UFD1: variants seen among roughly 807,000 people sequenced by gnomAD.
UFD1 encodes the protein ubiquitin recognition factor in ER associated degradation 1, also known as ubiquitin recognition factor in ER-associated degradation protein 1.
UFD1 carries 13 observed loss-of-function variants against 45.9 expected under a neutral mutation model. The ratio of observed to expected loss-of-function variants is 0.28; its 90% CI spans 0.18 to 0.45. The LOEUF (loss-of-function observed/expected upper bound fraction) is 0.45. UFD1 is among the 20% of genes least tolerant of loss of function. UFD1 has a pLI of 1.00. For synonymous variants in UFD1, 128 were observed against 139.2 expected (o/e 0.92, Z 0.56); for missense variants, 218 against 389.2 (o/e 0.56, Z 3.70).
chr22:19,477,212 G>A (rs1404615118), intron 1 of UFD1, among the ~76,000 whole-genome samples: 2 of 152,084 alleles, frequency 1.3e-5, no homozygotes, highest in African/African-American at 2.4e-5. Flanking sequence ...AGAACTGGAG[G>A]CAGAATCAAG....
At position 19,465,694 on chromosome 22, in the gene UFD1, G is replaced by A. The variant is rs192017761; in HGVS notation, c.423-420C>T. Reference sequence around the variant, plus strand: ...CATGGGTGTATACATTTTCAAACTGGCTGAACTGTGTGCATTTTATTGTAT... The same window carrying A: ...CATGGGTGTATACATTTTCAAACTGACTGAACTGTGTGCATTTTATTGTAT... On this transcript the variant is annotated intron_variant, in intron 5 of 11. Transcript: ENST00000263202. The A allele has an allele frequency of 5.6e-5, 9 of 161,394 alleles. No homozygotes were observed. In the East Asian group the frequency reaches 1.4e-3, roughly 25 times the overall value. The allele number at this position is 161,394 out of a possible 1,614,324, so 10.0% of individuals were successfully genotyped here.
chr22:19,462,438 G>GA (rs548689552), intron 6 of UFD1, among the ~76,000 whole-genome samples: 133 of 152,340 alleles, frequency 8.7e-4, no homozygotes, highest in African/African-American at 2.2e-3. Flanking sequence ...GGCTGAGGCT[G>GA]ATGGCTCACC....
rs8136798 is a variant in UFD1 at position 19,454,231 on chromosome 22, A to G, written c.849+518T>C. ...GTTTCATACACCCTACACCAGCTCT[A>G]CAGAAAAAAACAGGACACCAGGGAG... On this transcript the variant is annotated intron_variant, in intron 11 of 11. Transcript: ENST00000263202. The G allele has an allele frequency of 0.019, 18,936 of 993,488 alleles. 2,699 individuals are homozygous for G. The African/African-American group carries it at 0.3, about 16-fold the overall frequency. The allele number at this position is 993,488 out of a possible 1,614,324, so 61.5% of individuals were successfully genotyped here. A position where few individuals can be genotyped will look rare whatever the true frequency, so the allele number is the denominator to read the frequency against.
chr22:19,454,503 G>A (rs1014568082), intron 11 of UFD1: 19 of 845,372 alleles, frequency 2.2e-5, no homozygotes, highest in Admixed American at 7.2e-5. Context: ...CTTTTTCTCT[G>A]CCTGCTACCA....
rs761515026 is a variant in UFD1, at chr22:19,455,707, G to A, written c.740C>T (p.Ser247Phe). 8 of 1,613,990 alleles carry A rather than the reference G, an allele frequency of 5.0e-6. No homozygotes were observed. The African/African-American group carries it at 6.7e-5, about 13-fold the overall frequency. Reference protein sequence around the residue: ...GKKKGVEPSPSPIKPGDIKRG... With the variant: ...GKKKGVEPSPFPIKPGDIKRG... ...TTTAATATCTCCAGGCTTGATTGGG[G>A]AGGGGCTGGGCTCTACCCCTTTCTT... is the stretch of plus-strand genomic sequence containing the variant. The change falls in exon 10 of 12, where the codon TCC becomes TTC. Residue 247 changes from serine to phenylalanine, a missense_variant. Physicochemically the swap from Ser to Phe is radical, Grantham distance 155. Coordinates refer to ENST00000263202, the MANE Select transcript of UFD1 (RefSeq NM_005659.7).
At chr22:19,478,952 G>T in intron 1 of UFD1, 131 bp downstream of exon 1, 1 of 1,279,792 alleles carries the variant, frequency 7.8e-7, no homozygotes, top group Non-Finnish European at 1.1e-6. Context: ...CGGCCGATGA[G>T]CCTGCAGGCC....
intron 7 of UFD1, among the ~76,000 whole-genome samples, chr22:19,457,482 C>T (rs979172657): frequency 6.6e-6 from 1 of 152,184 alleles, no homozygotes; most frequent in African/African-American, 2.4e-5. Flanking sequence ...TTCATTCCTA[C>T]TCAGAAGGTT....
intron 6 of UFD1, among the ~76,000 whole-genome samples, chr22:19,461,054 G>T (rs1433833279): frequency 1.3e-5 from 2 of 152,140 alleles, no homozygotes; most frequent in Admixed American, 6.5e-5. Flanking sequence ...CGGTGTCCAG[G>T]TGATTCTACT....
At chr22:19,456,734 G>T in intron 8 of UFD1, 100 bp from the exon 9 acceptor site, 9 of 1,613,070 alleles carry the variant, frequency 5.6e-6, no homozygotes, top group Non-Finnish European at 7.6e-6. Flanking sequence ...AAGCATGGCT[G>T]GAAGGGACGC....
At chr22:19,456,694 AC>A (rs1556039020) in intron 8 of UFD1, 60 bp from the exon 9 acceptor site, 3 of 1,612,834 alleles carry the variant, frequency 1.9e-6, no homozygotes, top group South Asian at 2.2e-5. Context: ...CTTCCCTCTC[AC>A]CCCCACCCCC....
intron 7 of UFD1, 151 bp downstream of exon 7, chr22:19,457,920 T>C: frequency 1.3e-6 from 1 of 743,760 alleles, no homozygotes. Context: ...AAGGTCACAG[T>C]CTCCTCATGA....
At position 19,467,924 on chromosome 22, in the gene UFD1, T is replaced by C; in HGVS notation, c.371A>G (p.Lys124Arg). ...GAAGTCAGGGCTCTGAGGTTGGAATTTGGAGTAGGTGGCCACTTGAAGGTT... is the reference window on the plus strand; with the variant it reads ...GAAGTCAGGGCTCTGAGGTTGGAATCTGGAGTAGGTGGCCACTTGAAGGTT... ...SVNLQVATYS[K>R]FQPQSPDFLD... is the part of the protein sequence containing the mutation. The change falls in exon 5 of 12, where the codon AAA (lysine) becomes AGA (arginine). Residue 124 changes from lysine (K) to arginine (R), a missense_variant. Around this residue, in one of 2 missense-constraint regions of UFD1, gnomAD observed 149 missense variants for 307.5 expected, o/e 0.48. Coordinates refer to ENST00000263202, the MANE Select transcript of UFD1 (RefSeq NM_005659.7). The C allele has an allele frequency of 2.5e-6, 4 of 1,614,128 alleles. No homozygotes were observed. Among genetic ancestry groups the C allele is most frequent in the Non-Finnish European group, 3.4e-6 (4 of 1,180,010 alleles).
chr22:19,451,510 C>T (rs2089682648), intron 11 of UFD1: 1 of 985,368 alleles, frequency 1.0e-6, no homozygotes, highest in Non-Finnish European at 1.2e-6. Flanking sequence ...TTGTTTTTTC[C>T]CAAACCTTTG....
chr22:19,452,275 C>A (rs2089688792), intron 11 of UFD1: 2 of 152,192 alleles, frequency 1.3e-5, no homozygotes, highest in Non-Finnish European at 2.9e-5. Context: ...CTTCCTATGT[C>A]CAAATTTCCT....
chr22:19,450,571 ATTCTC>A lies in UFD1; in HGVS notation c.*94_*98del. ...CTAAATAAATCTTAAGTAACAGAGT[ATTCTC>A]TGATGAGGCTCGTCCCTGTCAGTGC... On this transcript the variant is annotated 3_prime_UTR_variant, in exon 12 of 12. Transcript: ENST00000263202. The A allele has an allele frequency of 7.0e-7, 1 of 1,434,022 alleles. No individual in the cohort carries two copies. Among genetic ancestry groups the A allele is most frequent in the Non-Finnish European group, 9.7e-7 (1 of 1,029,066 alleles). The allele number at this position is 1,434,022 out of a possible 1,614,324, so 88.8% of individuals were successfully genotyped here.
At chr22:19,461,507 T>A (rs1360400285) in intron 6 of UFD1, among the ~76,000 whole-genome samples, 1 of 152,202 alleles carries the variant, frequency 6.6e-6, no homozygotes, top group Non-Finnish European at 1.5e-5. Flanking sequence ...CCGTATAGAA[T>A]CTTCCTTATA....
At position 19,461,550 on chromosome 22, in the gene UFD1, A is replaced by G. The variant is rs150499520; in HGVS notation, c.496-3411T>C. Among the ~76,000 whole-genome samples, 242 of 152,314 alleles carry G rather than the reference A, an allele frequency of 1.6e-3. 2 individuals carry two copies. Among genetic ancestry groups the G allele is most frequent in the African/African-American group, 5.6e-3 (232 of 41,564 alleles). ...AGATTCTTTTGTCAATATTTTATCT[A>G]CAATCTATGTATCTGTATCAAGTGA... On this transcript the variant is annotated intron_variant, in intron 6 of 11. Transcript: ENST00000263202.
At chr22:19,464,214 G>C (rs2089786069) in intron 6 of UFD1, among the ~76,000 whole-genome samples, 1 of 152,262 alleles carries the variant, frequency 6.6e-6, no homozygotes, top group Admixed American at 6.5e-5. Flanking sequence ...CTAAACCACA[G>C]GCAGCTGTGA....
chr22:19,466,483 C>CA (rs748636333), intron 5 of UFD1: 1 of 152,342 alleles, frequency 6.6e-6, no homozygotes, highest in South Asian at 2.1e-4. Context: ...CCTTTCTCCA[C>CA]ACACTAACAA....
Sources: gnomAD v4.1 joint callset for allele counts (sites outside exome capture counted in the v4.1 genomes callset) on GRCh38, gnomAD v4.1.1 for gene constraint, gnomAD v4.1.1 regional missense constraint, MANE v1.5 for transcripts, NCBI Gene and HGNC (gene_info 2026-07-23, HGNC 2026-07-21) for gene names.